CUX1: variants seen among roughly 807,000 people sequenced by gnomAD.
The protein encoded by CUX1 is cut like homeobox 1.
CUX1 carries 31 observed loss-of-function variants against 158.8 expected under a neutral mutation model. The observed-to-expected ratio is 0.20, with a 90% CI of 0.15 to 0.26. The LOEUF (loss-of-function observed/expected upper bound fraction) is 0.26. Ranked by LOEUF, CUX1 falls within the 10% of genes least tolerant of loss-of-function variation. The pLI is 1.00. For missense variants in CUX1, 1,589 were observed against 2,014.6 expected (o/e 0.79, Z 4.04); for synonymous variants, 879 against 862.1 (o/e 1.02, Z -0.34).
intron 3 of CUX1, among the ~76,000 whole-genome samples, chr7:102,033,175 A>G (rs1014662398): frequency 6.6e-6 from 1 of 152,186 alleles, no homozygotes; most frequent in Admixed American, 6.6e-5. Context: ...GTAGGCTGGT[A>G]TGATGGCTCA....
intron 3 of CUX1, among the ~76,000 whole-genome samples, chr7:102,060,608 AACACACAC>A (rs58786987): frequency 0.012 from 1,651 of 133,290 alleles, 31 homozygotes; most frequent in African/African-American, 0.043. Flanking sequence ...CACACAAATA[AACACACAC>A]ACACACACAC....
At chr7:102,178,318 G>A in intron 10 of CUX1, 151 bp from the exon 11 acceptor site, 4 of 732,174 alleles carry the variant, frequency 5.5e-6, no homozygotes, top group Non-Finnish European at 8.8e-6. Context: ...GTTGCATAGG[G>A]GAAGTGCAAG....
intron 2 of CUX1, among the ~76,000 whole-genome samples, chr7:101,990,441 A>G (rs959691033): frequency 4.6e-5 from 7 of 151,444 alleles, no homozygotes; most frequent in African/African-American, 1.7e-4. Flanking sequence ...CAGTGGTGAG[A>G]TCTTGGTTCA....
intron 14 of CUX1, among the ~76,000 whole-genome samples, chr7:102,267,917 C>T (rs1790930530): frequency 6.7e-6 from 1 of 149,428 alleles, no homozygotes; most frequent in Non-Finnish European, 1.5e-5. Flanking sequence ...ATGCTACCAC[C>T]TCTGCCTCCC....
At chr7:102,069,709 C>T (rs1825923091) in intron 3 of CUX1, among the ~76,000 whole-genome samples, 1 of 152,196 alleles carries the variant, frequency 6.6e-6, no homozygotes, top group African/African-American at 2.4e-5. Context: ...GATCGTGCTA[C>T]TGCACTCCAG....
upstream of CUX1, chr7:101,817,283 C>T (rs1447187565): frequency 1.0e-6 from 1 of 984,844 alleles, no homozygotes; most frequent in Non-Finnish European, 1.2e-6. The surrounding 1 kb of genome is among the most constrained non-coding windows in gnomAD (Gnocchi z 4.1). Context: ...TGACCTGCGG[C>T]GCCGGGTCCC....
chr7:102,245,516 C>T (rs1800714000), intron 23 of CUX1, among the ~76,000 whole-genome samples: 1 of 152,190 alleles, frequency 6.6e-6, no homozygotes, highest in Non-Finnish European at 1.5e-5. Flanking sequence ...AGCCTTAGGG[C>T]TTATCACAGC....
intron 2 of CUX1, among the ~76,000 whole-genome samples, chr7:101,952,082 G>A (rs1809131945): frequency 6.6e-6 from 1 of 152,138 alleles, no homozygotes. Flanking sequence ...CAGGACCTGG[G>A]GACTTGTTAG....
At chr7:101,855,771 G>T (rs1194293216) in intron 1 of CUX1, among the ~76,000 whole-genome samples, 2 of 151,940 alleles carry the variant, frequency 1.3e-5, no homozygotes, top group Non-Finnish European at 2.9e-5. Flanking sequence ...CCAGCTACTC[G>T]GGAGGCTGAG....
At chr7:102,101,748 T>A (rs1256545285) in intron 5 of CUX1, among the ~76,000 whole-genome samples, 1 of 151,676 alleles carries the variant, frequency 6.6e-6, no homozygotes, top group Non-Finnish European at 1.5e-5. Context: ...CGTCTCTACT[T>A]AAAAAATACA....
chr7:102,189,151 C>T (rs964587389), intron 11 of CUX1, among the ~76,000 whole-genome samples: 3 of 152,148 alleles, frequency 2.0e-5, no homozygotes, highest in Non-Finnish European at 4.4e-5. Flanking sequence ...CTGTGTCTCT[C>T]GTTAGTAGAG....
intron 1 of CUX1, among the ~76,000 whole-genome samples, chr7:101,852,351 C>T (rs373532854): frequency 1.3e-5 from 2 of 152,132 alleles, no homozygotes; most frequent in South Asian, 4.1e-4. Context: ...GGCAAGGTGG[C>T]TCATGCCTGT....
At chr7:102,046,319 G>T (rs1161669632) in intron 3 of CUX1, among the ~76,000 whole-genome samples, 2 of 151,614 alleles carry the variant, frequency 1.3e-5, no homozygotes, top group Non-Finnish European at 2.9e-5. Flanking sequence ...TGCCACCTCC[G>T]CCTCCCAGGT....
chr7:102,282,562 A>G, intron 21 of CUX1: 1 of 688,102 alleles, frequency 1.5e-6, no homozygotes, highest in Admixed American at 2.8e-5. Flanking sequence ...CTGCAGAAGC[A>G]GTGGGTGCAG....
chr7:101,915,962 C>G (rs186416562), intron 1 of CUX1, among the ~76,000 whole-genome samples, 153 bp from the exon 2 acceptor site: 2 of 152,124 alleles, frequency 1.3e-5, no homozygotes, highest in South Asian at 4.2e-4. Flanking sequence ...TCTGCCTTCC[C>G]GCCACCCTCC....
At chr7:101,962,294 G>T (rs1456586958) in intron 2 of CUX1, among the ~76,000 whole-genome samples, 1 of 152,206 alleles carries the variant, frequency 6.6e-6, no homozygotes, top group Non-Finnish European at 1.5e-5. Flanking sequence ...GAATCACAGA[G>T]CTAACTGCAC....
intron 17 of CUX1, chr7:102,277,936 C>CA: frequency 7.7e-7 from 1 of 1,292,132 alleles, no homozygotes; most frequent in Non-Finnish European, 1.1e-6. Flanking sequence ...TTTCCTTGCC[C>CA]CTCCCCCCCC....
chr7:102,227,962 T>TC (rs1413055075), intron 21 of CUX1, among the ~76,000 whole-genome samples: 1 of 146,678 alleles, frequency 6.8e-6, no homozygotes, highest in Non-Finnish European at 1.5e-5. Flanking sequence ...TTTTTTTTTT[T>TC]TTTTTTTTGA....
At chr7:102,231,142 G>T (rs1310236919) in intron 21 of CUX1, among the ~76,000 whole-genome samples, 4 of 150,024 alleles carry the variant, frequency 2.7e-5, no homozygotes, top group Non-Finnish European at 5.9e-5. Flanking sequence ...CCATTCTCCT[G>T]CCTCAGCCTC....
Sources: allele counts gnomAD v4.1 joint callset (sites outside exome capture counted in the v4.1 genomes callset), GRCh38; gene constraint gnomAD v4.1.1; non-coding constraint Gnocchi (gnomAD v3.1); transcripts MANE v1.5; gene names NCBI Gene and HGNC (gene_info 2026-07-23, HGNC 2026-07-21).